PTPN1: variants seen among roughly 807,000 people sequenced by gnomAD.
PTPN1 encodes tyrosine-protein phosphatase non-receptor type 1.
In PTPN1, 12 loss-of-function variants were observed where a neutral mutation model predicts 59.9. That is an observed-to-expected ratio of 0.20 (90% CI 0.13 to 0.32). The LOEUF (loss-of-function observed/expected upper bound fraction) is 0.32. Ranked by LOEUF, PTPN1 falls within the 10% of genes least tolerant of loss-of-function variation. The probability of loss-of-function intolerance (pLI) is 1.00; values close to 1 mark genes in which losing one functional copy is unlikely to be tolerated. For synonymous variants in PTPN1, 178 were observed against 203.6 expected, an observed-to-expected ratio of 0.87 and a Z score of 1.07; for missense variants, 356 against 549.2, an observed-to-expected ratio of 0.65 and a Z score of 3.52.
chr20:50,565,042 A>T lies in PTPN1; in HGVS notation c.228A>T (p.Glu76Asp), dbSNP rs754785542. Residue 76 changes from glutamate to aspartate, a missense_variant, in exon 3 of 10, where the codon GAA (glutamate) becomes GAT (aspartate). This residue lies in a region of PTPN1 where 194 missense variants were observed against 344.2 expected (regional missense o/e 0.56). Coordinates refer to ENST00000371621, the MANE Select transcript of PTPN1 (RefSeq NM_002827.4). ...YINASLIKME[E>D]AQRSYILTQG... is the part of the protein sequence containing the mutation. ...ACGCTAGTTTGATAAAAATGGAAGAAGCCCAAAGGAGTTACATTCTTACCC... is the reference window on the plus strand; with the variant it reads ...ACGCTAGTTTGATAAAAATGGAAGATGCCCAAAGGAGTTACATTCTTACCC... The T allele has an allele frequency of 4.3e-6, 7 of 1,613,008 alleles. No homozygotes were observed. The East Asian group carries it at 1.6e-4, about 36-fold the overall frequency.
intron 1 of PTPN1, among the ~76,000 whole-genome samples, chr20:50,510,811 C>G (rs1341005085): frequency 6.6e-6 from 1 of 152,084 alleles, no homozygotes; most frequent in African/African-American, 2.4e-5. Flanking sequence ...TCCCCCACCT[C>G]CCTTCTGTTC....
intron 1 of PTPN1, among the ~76,000 whole-genome samples, chr20:50,540,302 G>A (rs1370037704): frequency 5.9e-5 from 9 of 152,142 alleles, no homozygotes; most frequent in African/African-American, 1.7e-4. Context: ...TGATCTGCCC[G>A]CCTCAGCCTC....
At chr20:50,528,645 T>G (rs1471789427) in intron 1 of PTPN1, among the ~76,000 whole-genome samples, 1 of 141,160 alleles carries the variant, frequency 7.1e-6, no homozygotes, top group Admixed American at 7.4e-5. Flanking sequence ...ACTGGGGAGG[T>G]GGAGGTTGCA....
intron 1 of PTPN1, among the ~76,000 whole-genome samples, chr20:50,511,465 T>A (rs376882985): frequency 3.9e-5 from 6 of 152,140 alleles, no homozygotes; most frequent in Non-Finnish European, 5.9e-5. Flanking sequence ...ACCCACTCCA[T>A]TGGGGCCATG....
intron 1 of PTPN1, among the ~76,000 whole-genome samples, chr20:50,560,145 G>A (rs1295571233): frequency 1.3e-5 from 2 of 152,036 alleles, no homozygotes; most frequent in East Asian, 1.9e-4. Flanking sequence ...AGCTGCCAGC[G>A]GTGTGAGTGT....
chr20:50,574,401 TCAGAAAC>T (rs2082825915), intron 4 of PTPN1, 109 bp from the exon 5 acceptor site: 1 of 1,113,036 alleles, frequency 9.0e-7, no homozygotes, highest in Admixed American at 3.4e-5. Context: ...GCTTCCATGT[TCAGAAAC>T]CCCCAGGCCT....
At chr20:50,554,040 T>C (rs1242210005) in intron 1 of PTPN1, among the ~76,000 whole-genome samples, 1 of 152,006 alleles carries the variant, frequency 6.6e-6, no homozygotes, top group African/African-American at 2.4e-5. Flanking sequence ...TTTTTCCAGG[T>C]TTAATGAAAA....
At chr20:50,573,534 C>T (rs1033166954) in intron 4 of PTPN1, 2 of 152,224 alleles carry the variant, frequency 1.3e-5, no homozygotes, top group African/African-American at 4.8e-5. Context: ...TCACCCACAC[C>T]ATCCTTTGCC....
At chr20:50,519,303 C>T (rs999692589) in intron 1 of PTPN1, among the ~76,000 whole-genome samples, 1 of 152,210 alleles carries the variant, frequency 6.6e-6, no homozygotes, top group Non-Finnish European at 1.5e-5. Flanking sequence ...AGTTAATACA[C>T]TCAGAGAGAG....
chr20:50,539,244 C>G (rs2082638094), intron 1 of PTPN1, among the ~76,000 whole-genome samples: 1 of 151,946 alleles, frequency 6.6e-6, no homozygotes, highest in Admixed American at 6.6e-5. Context: ...CCATGTTGGC[C>G]AGGCTGGTCT....
intron 5 of PTPN1, among the ~76,000 whole-genome samples, chr20:50,575,689 TGAGGCCAGGAGGATCACTC>T (rs2082833331): frequency 6.6e-6 from 1 of 152,154 alleles, no homozygotes; most frequent in African/African-American, 2.4e-5. Flanking sequence ...TTGGGGAGGC[TGAGGCCAGGAGGATCACTC>T]GAGGCCAGGA....
intron 1 of PTPN1, among the ~76,000 whole-genome samples, chr20:50,560,484 G>T (rs1288012099): frequency 6.6e-6 from 1 of 152,050 alleles, no homozygotes; most frequent in Admixed American, 6.6e-5. Context: ...GGGCGGTCTG[G>T]CTTTCTTACT....
chr20:50,510,618 G>A (rs2082502387), intron 1 of PTPN1, 28 bp downstream of exon 1: 8 of 1,548,908 alleles, frequency 5.2e-6, no homozygotes, highest in East Asian at 2.5e-5. Context: ...AGCGTGGCGG[G>A]CCCTTCGCTT....
Position 50,581,247 on chromosome 20 carries a change from TG to T in PTPN1, c.1089-17del, listed in dbSNP as rs756255227. 1 of 1,581,280 alleles carries T rather than the reference TG, an allele frequency of 6.3e-7. No homozygotes were observed. The highest frequency in any genetic ancestry group is 8.6e-7 in the Non-Finnish European group (1 of 1,156,468). ...TTCTCCAAAGTGAGTAACCCATCTC[TG>T]CCCTCTGATTCCTCAGCATGAGTCA... On this transcript the variant is annotated splice_polypyrimidine_tract_variant and intron_variant, in intron 8 of 9. Transcript: ENST00000371621.
intron 5 of PTPN1, chr20:50,578,092 A>T: frequency 4.9e-6 from 1 of 205,562 alleles, no homozygotes; most frequent in East Asian, 1.3e-4. Context: ...GTGGCTGCCC[A>T]GCATCATTGT....
intron 1 of PTPN1, among the ~76,000 whole-genome samples, chr20:50,550,960 T>C (rs1021718100): frequency 6.6e-6 from 1 of 152,234 alleles, no homozygotes; most frequent in Non-Finnish European, 1.5e-5. Flanking sequence ...CATGGAAATA[T>C]TTCCGCAAGG....
intron 1 of PTPN1, among the ~76,000 whole-genome samples, chr20:50,528,728 C>T (rs1347608318): frequency 2.8e-5 from 4 of 140,956 alleles, no homozygotes; most frequent in African/African-American, 1.1e-4. Flanking sequence ...AAAAAAAAGA[C>T]TCCATCTTAA....
At chr20:50,540,969 C>T (rs925288715) in intron 1 of PTPN1, among the ~76,000 whole-genome samples, 2 of 152,188 alleles carry the variant, frequency 1.3e-5, no homozygotes, top group African/African-American at 4.8e-5. Context: ...TCCACCTGCT[C>T]AGTCCCTAGT....
At chr20:50,529,732 TATAAAC>T (rs1184359503) in intron 1 of PTPN1, among the ~76,000 whole-genome samples, 2 of 152,234 alleles carry the variant, frequency 1.3e-5, no homozygotes, top group Non-Finnish European at 2.9e-5. Flanking sequence ...AGAAGGAAGA[TATAAAC>T]ATAAACTTAG....
Sources: gnomAD v4.1 joint callset for allele counts (sites outside exome capture counted in the v4.1 genomes callset) on GRCh38, gnomAD v4.1.1 for gene constraint, gnomAD v4.1.1 regional missense constraint, MANE v1.5 for transcripts, NCBI Gene and HGNC (gene_info 2026-07-23, HGNC 2026-07-21) for gene names.